RAI14: variants seen among roughly 807,000 people sequenced by gnomAD.
The protein encoded by RAI14 is retinoic acid induced 14, also known as ankycorbin.
RAI14 carries 45 observed loss-of-function variants against 115.4 expected under a neutral mutation model. That is an observed-to-expected ratio of 0.39 (90% confidence interval 0.31 to 0.50). The LOEUF (loss-of-function observed/expected upper bound fraction) is 0.50. RAI14 is among the 20% of genes least tolerant of loss of function. The probability of loss-of-function intolerance (pLI) is 0.85; values close to 1 mark genes in which losing one functional copy is unlikely to be tolerated. For missense variants in RAI14, 939 were observed against 1,131.2 expected (o/e 0.83, Z 2.44); for synonymous variants, 371 against 415.4 (o/e 0.89, Z 1.30).
intron 3 of RAI14, among the ~76,000 whole-genome samples, chr5:34,775,626 A>G (rs1750742373): frequency 6.6e-6 from 1 of 152,200 alleles, no homozygotes; most frequent in Non-Finnish European, 1.5e-5. Context: ...CAAAAGACAT[A>G]CAAATGGCAA....
intron 2 of RAI14, among the ~76,000 whole-genome samples, chr5:34,750,468 C>G (rs1044600260): frequency 2.6e-5 from 4 of 152,038 alleles, no homozygotes; most frequent in Non-Finnish European, 1.5e-5. Flanking sequence ...TGGCGCCACT[C>G]TGCCTTTTTT....
intron 5 of RAI14, among the ~76,000 whole-genome samples, chr5:34,807,061 A>G (rs1446964886): frequency 6.6e-6 from 1 of 152,184 alleles, no homozygotes; most frequent in Non-Finnish European, 1.5e-5. Context: ...TAATACTTAC[A>G]TAGCACTTAT....
intron 7 of RAI14, among the ~76,000 whole-genome samples, chr5:34,809,355 G>A (rs972715152): frequency 5.3e-5 from 8 of 152,130 alleles, no homozygotes; most frequent in Non-Finnish European, 1.2e-4. Flanking sequence ...CTCGACCACT[G>A]AAAATGTCAA....
chr5:34,744,006 G>A lies in RAI14; in HGVS notation c.37-13462G>A, dbSNP rs1745859313. On this transcript the variant is annotated intron_variant, in intron 2 of 17. Coordinates refer to ENST00000265109, the MANE Select transcript of RAI14 (RefSeq NM_015577.3). The stretch of plus-strand genomic sequence containing the variant: ...TAGACACTTAAAGTGCACTTAAGCA[G>A]ACTTTGTGGATGAAATCATTTTGTC... 2.6e-5 allele frequency among the ~76,000 whole-genome samples: 4 copies of A among 152,340 alleles called. No individual in the cohort carries two copies. In the South Asian group the frequency reaches 6.2e-4, roughly 24 times the overall value.
At chr5:34,679,731 G>T (rs76879210) in intron 1 of RAI14, among the ~76,000 whole-genome samples, 2,009 of 152,214 alleles carry the variant, frequency 0.013, 50 homozygotes, top group African/African-American at 0.046. Flanking sequence ...CAGGTGGGAA[G>T]GAAAAAGGAG....
intron 3 of RAI14, among the ~76,000 whole-genome samples, chr5:34,781,854 G>C (rs1047924694): frequency 6.6e-6 from 1 of 152,150 alleles, no homozygotes; most frequent in Non-Finnish European, 1.5e-5. Flanking sequence ...GAAATACAGA[G>C]TGTGGAGTGG....
intron 3 of RAI14, among the ~76,000 whole-genome samples, chr5:34,775,174 C>T (rs114597183): frequency 0.018 from 2,710 of 152,166 alleles, 91 homozygotes; most frequent in African/African-American, 0.062. Flanking sequence ...AAGAAAACAT[C>T]GAGGAAACTC....
At chr5:34,796,507 C>G (rs1052919826) in intron 4 of RAI14, among the ~76,000 whole-genome samples, 1 of 152,102 alleles carries the variant, frequency 6.6e-6, no homozygotes, top group African/African-American at 2.4e-5. Flanking sequence ...TATAGCCATA[C>G]TTCTGAGTTT....
intron 2 of RAI14, among the ~76,000 whole-genome samples, chr5:34,725,346 GA>G (rs1226773820): frequency 2.6e-5 from 4 of 151,572 alleles, no homozygotes; most frequent in South Asian, 2.1e-4. Flanking sequence ...TGTGAAGCTA[GA>G]AAAAAAAGAA....
At chr5:34,756,085 G>A (rs765378910) in intron 2 of RAI14, among the ~76,000 whole-genome samples, 5 of 152,176 alleles carry the variant, frequency 3.3e-5, no homozygotes, top group Admixed American at 1.3e-4. Context: ...GTCCTGAGAC[G>A]TTCAGAGATG....
intron 8 of RAI14, among the ~76,000 whole-genome samples, 171 bp from the exon 9 acceptor site, chr5:34,811,596 A>AAG (rs1561069020): frequency 2.0e-5 from 3 of 151,196 alleles, no homozygotes; most frequent in African/African-American, 4.9e-5. Flanking sequence ...AAAAAAAAAA[A>AAG]CCACCTAATT....
intron 1 of RAI14, among the ~76,000 whole-genome samples, chr5:34,681,023 A>G (rs1744341798): frequency 6.6e-6 from 1 of 152,184 alleles, no homozygotes; most frequent in Admixed American, 6.5e-5. Context: ...ATGTTCTTCC[A>G]GAAGCAGCAA....
intron 3 of RAI14, among the ~76,000 whole-genome samples, chr5:34,780,024 G>C (rs571600621): frequency 6.6e-6 from 1 of 152,122 alleles, no homozygotes; most frequent in South Asian, 2.1e-4. Flanking sequence ...AAAACAAGAG[G>C]TATAATACCA....
In RAI14 at chr5:34,801,677, G is replaced by T. The variant is rs548862772; in HGVS notation, c.257-2035G>T. On this transcript the variant is annotated intron_variant, in intron 4 of 17. Transcript: ENST00000265109. ...AATCGCTTGAACCCGGGAGGCAGAG[G>T]TTGCAGTGAGCCGAGATGGTGCCAC... is the stretch of plus-strand genomic sequence containing the variant. Among the ~76,000 whole-genome samples the T allele has an allele frequency of 1.4e-3, 219 of 152,092 alleles. 1 individual carries two copies. The highest frequency in any genetic ancestry group is 5.2e-3 in the African/African-American group (215 of 41,504).
At chr5:34,805,577 C>T (rs574252027) in intron 5 of RAI14, among the ~76,000 whole-genome samples, 51 of 152,282 alleles carry the variant, frequency 3.3e-4, no homozygotes, top group Admixed American at 2.0e-3. Context: ...CAGTGGCTCA[C>T]GCCTGTAATC....
rs1393778991 is a variant in RAI14, at chr5:34,811,758, T to C, written c.558-9T>C. On this transcript the variant is annotated splice_polypyrimidine_tract_variant and intron_variant, in intron 8 of 17. Transcript: ENST00000265109. ...TTAGTACTAATTTTGTGTCTCTTTTTTCCTTTAGAACTGCTCTCATGCTGG... is the reference window on the plus strand; with the variant it reads ...TTAGTACTAATTTTGTGTCTCTTTTCTCCTTTAGAACTGCTCTCATGCTGG... The C allele has an allele frequency of 6.3e-7, 1 of 1,599,762 alleles. No individual in the cohort carries two copies. Among genetic ancestry groups the C allele is most frequent in the South Asian group, 1.1e-5 (1 of 88,000 alleles).
intron 3 of RAI14, among the ~76,000 whole-genome samples, chr5:34,789,894 A>G (rs1048488616): frequency 6.6e-6 from 1 of 152,216 alleles, no homozygotes; most frequent in African/African-American, 2.4e-5. Flanking sequence ...AGATAGTCTG[A>G]GCCCTTAAGG....
At chr5:34,669,546 A>G (rs1017761941) in intron 1 of RAI14, among the ~76,000 whole-genome samples, 3 of 152,240 alleles carry the variant, frequency 2.0e-5, no homozygotes, top group African/African-American at 7.2e-5. Context: ...TAAGTGCTAC[A>G]GGCTCGGGTG....
chr5:34,707,081 G>A (rs572894348), intron 2 of RAI14, among the ~76,000 whole-genome samples: 11 of 152,304 alleles, frequency 7.2e-5, no homozygotes, highest in Admixed American at 3.9e-4. Flanking sequence ...GGACAGAACC[G>A]CAGGCTATAT....
Sources: allele counts gnomAD v4.1 joint callset (sites outside exome capture counted in the v4.1 genomes callset), GRCh38; gene constraint gnomAD v4.1.1; transcripts MANE v1.5; gene names NCBI Gene and HGNC (gene_info 2026-07-23, HGNC 2026-07-21).